Variants in MCTP1 observed in about 807,000 individuals in gnomAD.
The protein encoded by MCTP1 is multiple C2 and transmembrane domain-containing protein 1.
MCTP1 carries 69 observed loss-of-function variants against 120.6 expected under a neutral mutation model. The observed-to-expected ratio is 0.57, with a 90% confidence interval of 0.47 to 0.70. The LOEUF is 0.70. MCTP1 is among the 30% of genes least tolerant of loss of function. The pLI, the probability that MCTP1 is intolerant of heterozygous loss-of-function variation, is 0.00. For missense variants in MCTP1, 1,203 were observed against 1,248.8 expected, an observed-to-expected ratio of 0.96 and a Z score of 0.55; for synonymous variants, 529 against 493.1, an observed-to-expected ratio of 1.07 and a Z score of -0.96.
chr5:94,816,259 C>A (rs771647810), intron 17 of MCTP1, among the ~76,000 whole-genome samples: 1 of 152,052 alleles, frequency 6.6e-6, no homozygotes, highest in African/African-American at 2.4e-5. Context: ...AAATTTATAT[C>A]ATGTGTATAT....
At chr5:95,019,746 T>C (rs1352474783) in intron 1 of MCTP1, among the ~76,000 whole-genome samples, 1 of 152,072 alleles carries the variant, frequency 6.6e-6, no homozygotes, top group Admixed American at 6.6e-5. Context: ...AAACATGTTA[T>C]CTTCCTTCAG....
chr5:94,895,461 A>T (rs1224639625), intron 10 of MCTP1, among the ~76,000 whole-genome samples: 3 of 152,148 alleles, frequency 2.0e-5, no homozygotes, highest in African/African-American at 7.2e-5. Flanking sequence ...TCTGTATGCC[A>T]CTCTCTCAGA....
chr5:94,787,061 C>T (rs990880735), intron 18 of MCTP1, among the ~76,000 whole-genome samples: 1 of 152,174 alleles, frequency 6.6e-6, no homozygotes, highest in African/African-American at 2.4e-5. Flanking sequence ...ACCCGACATC[C>T]TGAGCGAGAT....
At chr5:94,707,993 T>A (rs1755232701) in intron 22 of MCTP1, among the ~76,000 whole-genome samples, 1 of 150,368 alleles carries the variant, frequency 6.7e-6, no homozygotes, top group African/African-American at 2.4e-5. Context: ...AAAACAAACT[T>A]CTTTTATTTT....
chr5:94,995,760 T>C (rs1196314199), intron 2 of MCTP1, among the ~76,000 whole-genome samples: 1 of 152,118 alleles, frequency 6.6e-6, no homozygotes, highest in African/African-American at 2.4e-5. Flanking sequence ...AATAGATGCA[T>C]AAAAATTTAG....
chr5:95,134,219 T>C, intron 1 of MCTP1, among the ~76,000 whole-genome samples: 1 of 152,328 alleles, frequency 6.6e-6, no homozygotes, highest in South Asian at 2.1e-4. Flanking sequence ...GTAGTATGTT[T>C]ATGATTTTTG....
At chr5:95,265,881 G>A (rs1758841784) in intron 1 of MCTP1, among the ~76,000 whole-genome samples, 1 of 152,176 alleles carries the variant, frequency 6.6e-6, no homozygotes, top group Non-Finnish European at 1.5e-5. Flanking sequence ...GACAACTGAG[G>A]AGGATAATCA....
At chr5:95,273,997 C>T (rs973611918) in intron 1 of MCTP1, among the ~76,000 whole-genome samples, 1 of 152,210 alleles carries the variant, frequency 6.6e-6, no homozygotes, top group Non-Finnish European at 1.5e-5. Flanking sequence ...ACTGTGGCCT[C>T]CACATGTTCT....
intron 2 of MCTP1, among the ~76,000 whole-genome samples, chr5:94,961,404 T>C (rs1389250306): frequency 6.6e-6 from 1 of 151,950 alleles, no homozygotes; most frequent in Admixed American, 6.6e-5. Flanking sequence ...ATCCCAGAGC[T>C]TAAAGTATAA....
chr5:95,166,687 C>A (rs1339160055), intron 1 of MCTP1, among the ~76,000 whole-genome samples: 1 of 151,776 alleles, frequency 6.6e-6, no homozygotes, highest in South Asian at 2.1e-4. Flanking sequence ...CCTGCCTCAC[C>A]CTCCCGAGTA....
chr5:94,755,908 A>G (rs1769720002), intron 19 of MCTP1, among the ~76,000 whole-genome samples: 1 of 152,182 alleles, frequency 6.6e-6, no homozygotes, highest in South Asian at 2.1e-4. Context: ...ACCTTATTCG[A>G]TGTCCTGGTG....
intron 12 of MCTP1, among the ~76,000 whole-genome samples, chr5:94,876,413 C>G (rs1043668093): frequency 6.6e-6 from 1 of 151,956 alleles, no homozygotes; most frequent in African/African-American, 2.4e-5. Context: ...CTGCAAAGTT[C>G]CAGACAGTGG....
chr5:95,121,863 G>T (rs1758263440), intron 1 of MCTP1, among the ~76,000 whole-genome samples: 1 of 150,114 alleles, frequency 6.7e-6, no homozygotes, highest in Non-Finnish European at 1.5e-5. Flanking sequence ...TTTGACTAAA[G>T]TGCCAAGAAG....
chr5:95,077,823 G>T (rs1582184664), intron 1 of MCTP1, among the ~76,000 whole-genome samples: 1 of 152,166 alleles, frequency 6.6e-6, no homozygotes, highest in Admixed American at 6.5e-5. Context: ...GGAAAGGCTT[G>T]TGGCAAGAAA....
intron 1 of MCTP1, among the ~76,000 whole-genome samples, chr5:95,127,280 T>C (rs1758706152): frequency 6.6e-6 from 1 of 152,140 alleles, no homozygotes; most frequent in African/African-American, 2.4e-5. Context: ...ATCTGTTCAT[T>C]CCACCAGTAT....
intron 18 of MCTP1, among the ~76,000 whole-genome samples, chr5:94,782,640 T>C (rs1776806614): frequency 6.6e-6 from 1 of 152,168 alleles, no homozygotes; most frequent in African/African-American, 2.4e-5. Context: ...TGCTGGAGTT[T>C]AACACTTAAC....
chr5:95,043,906 T>C (rs1842753567), intron 1 of MCTP1, among the ~76,000 whole-genome samples: 1 of 152,208 alleles, frequency 6.6e-6, no homozygotes, highest in Admixed American at 6.6e-5. Context: ...AGGCATTCTC[T>C]CCATTTCCAG....
intron 11 of MCTP1, among the ~76,000 whole-genome samples, chr5:94,889,203 A>G (rs1233668636): frequency 2.0e-5 from 3 of 152,202 alleles, no homozygotes; most frequent in Non-Finnish European, 4.4e-5. Flanking sequence ...ATTTATTTCA[A>G]AAGACTTATG....
At chr5:95,247,877 G>T (rs1756974961) in intron 1 of MCTP1, among the ~76,000 whole-genome samples, 1 of 152,108 alleles carries the variant, frequency 6.6e-6, no homozygotes, top group South Asian at 2.1e-4. Context: ...GTTGATTTGG[G>T]GTATAGAGTT....
Sources: gnomAD v4.1 joint callset for allele counts (sites outside exome capture counted in the v4.1 genomes callset) on GRCh38, gnomAD v4.1.1 for gene constraint, MANE v1.5 for transcripts, NCBI Gene and HGNC (gene_info 2026-07-23, HGNC 2026-07-21) for gene names.